GARS1: variants seen among roughly 807,000 people sequenced by gnomAD.
GARS1 encodes the protein glycine--tRNA ligase.
GARS1 carries 46 observed loss-of-function variants against 86.4 expected under a neutral mutation model. The ratio of observed to expected loss-of-function variants is 0.53; its 90% CI spans 0.42 to 0.68. GARS1 has a LOEUF of 0.68. GARS1 is among the 30% of genes least tolerant of loss of function. The pLI is 0.00. For synonymous variants in GARS1, 342 were observed against 329.8 expected (o/e 1.04, Z -0.40); for missense variants, 797 against 915.6 (o/e 0.87, Z 1.67).
Position 30,621,343 on chromosome 7 carries a change from AT to A in GARS1, c.1360-49del, listed in dbSNP as rs1783001652. The A allele has an allele frequency of 2.1e-6, 3 of 1,449,492 alleles. No individual in the cohort carries two copies. In the South Asian group the frequency reaches 3.4e-5, roughly 17 times the overall value. 89.8% of individuals were successfully genotyped at this position (1,449,492 alleles called of 1,614,324 possible). A position where few individuals can be genotyped will look rare whatever the true frequency, so the allele number is the denominator to read the frequency against. ...CTGCATGCATTTGTGAATGAACCCA[AT>A]ATAAGTAATAATAAGTAAGTAATGT... On this transcript the variant is annotated intron_variant, in intron 10 of 16. Transcript: ENST00000389266.
At chr7:30,616,141 C>T in intron 9 of GARS1, 83 bp downstream of exon 9, 1 of 1,456,976 alleles carries the variant, frequency 6.9e-7, no homozygotes, top group Non-Finnish European at 9.6e-7. Context: ...TTCTGGGTGA[C>T]AAGATATTTT....
At chr7:30,595,912 T>C in intron 1 of GARS1, 1 of 471,126 alleles carries the variant, frequency 2.1e-6, no homozygotes, top group East Asian at 6.9e-5. Flanking sequence ...ATGGAATATT[T>C]TGACATTTGA....
rs985496696 is a variant in GARS1, at chr7:30,594,966, T to G, written c.45T>G (p.Ala15=). The G allele has an allele frequency of 5.5e-5, 87 of 1,593,430 alleles. No homozygotes were observed. In the East Asian group the frequency reaches 1.9e-3, roughly 36 times the overall value. The change falls in exon 1 of 17, where the codon GCT becomes GCG. Residue 15 remains alanine (A), a synonymous_variant. Transcript: ENST00000389266. The stretch of plus-strand genomic sequence containing the variant: ...TGCTGCTTAGAGGTGCTCGCGCCGC[T>G]CTGCTGCTGCTGCTGCCGCCCCGGC... ...RPVLLRGARA[A]LLLLLPPRLL...
intron 6 of GARS1, among the ~76,000 whole-genome samples, chr7:30,605,691 T>G (rs1030866633): frequency 6.6e-6 from 1 of 152,232 alleles, no homozygotes; most frequent in African/African-American, 2.4e-5. Flanking sequence ...CTGAATTTTT[T>G]TGAAGCAGAT....
Position 30,631,472 on chromosome 7 carries a change from G to C in GARS1, c.1834G>C (p.Ala612Pro). ...GTTCTTCAGTTTCCCTGCTGTAGTTGCTCCATTCAAATGTTCCGTCCTCCC... is the reference window on the plus strand; with the variant it reads ...GTTCTTCAGTTTCCCTGCTGTAGTTCCTCCATTCAAATGTTCCGTCCTCCC... ...RTFFSFPAVVAPFKCSVLPLS... is the reference protein window; with the variant it reads ...RTFFSFPAVVPPFKCSVLPLS... The change falls in exon 15 of 17, where the codon GCT becomes CCT. Residue 612 changes from alanine to proline, a missense_variant. By Grantham distance (27) the Ala-to-Pro change is conservative. Transcript: ENST00000389266. 6.2e-7 allele frequency: 1 copy of C among 1,613,338 alleles called. No individual in the cohort carries two copies. The highest frequency in any genetic ancestry group is 8.5e-7 in the Non-Finnish European group (1 of 1,179,540).
At position 30,613,858 on chromosome 7, in the gene GARS1, C is replaced by A. The variant is rs186823110; in HGVS notation, c.1031+1613C>A. ...TTAGTGTTCTGATTCTTCTTGATGG[C>A]AGAGTTCTCTGGTGATTAATCTTTG... On this transcript the variant is annotated intron_variant, in intron 8 of 16. Coordinates refer to ENST00000389266, the MANE Select transcript of GARS1 (RefSeq NM_002047.4). Among the ~76,000 whole-genome samples the A allele has an allele frequency of 6.6e-5, 10 of 152,284 alleles. No individual in the cohort carries two copies. The East Asian group carries it at 1.9e-3, about 29-fold the overall frequency.
At chr7:30,617,364 C>A in intron 10 of GARS1, 86 bp downstream of exon 10, 1 of 1,422,362 alleles carries the variant, frequency 7.0e-7, no homozygotes, top group East Asian at 2.4e-5. Flanking sequence ...CACTTTATGT[C>A]ACAGAGGAAC....
chr7:30,620,790 G>A (rs370926095), intron 10 of GARS1, among the ~76,000 whole-genome samples: 1 of 152,150 alleles, frequency 6.6e-6, no homozygotes, highest in African/African-American at 2.4e-5. Context: ...GCCAGCTGAA[G>A]TATGTGTTTA....
At chr7:30,599,921 C>A in intron 2 of GARS1, 26 bp from the exon 3 acceptor site, 2 of 1,427,696 alleles carry the variant, frequency 1.4e-6, no homozygotes, top group Non-Finnish European at 2.0e-6. Flanking sequence ...CCTCCACTCA[C>A]TCACTTTTTA....
At chr7:30,630,517 C>CTTTTTTTTTTTT (rs758530758) in intron 14 of GARS1, among the ~76,000 whole-genome samples, 1 of 131,020 alleles carries the variant, frequency 7.6e-6, no homozygotes, top group Non-Finnish European at 1.6e-5. Context: ...TTATTTTCGC[C>CTTTTTTTTTTTT]TTTTTTTTTT....
chr7:30,624,144 GTTAGTGTATT>G (rs976408987), intron 12 of GARS1, among the ~76,000 whole-genome samples: 2 of 152,000 alleles, frequency 1.3e-5, no homozygotes, highest in African/African-American at 4.8e-5. Context: ...TGTGGTTAGT[GTTAGTGTATT>G]TTATGTGCAG....
chr7:30,631,527 T>A lies in GARS1; in HGVS notation c.1889T>A (p.Phe630Tyr). 6.2e-7 allele frequency: 1 copy of A among 1,612,380 alleles called. No individual in the cohort carries two copies. Among genetic ancestry groups the A allele is most frequent in the Non-Finnish European group, 8.5e-7 (1 of 1,178,528 alleles). The change falls in exon 15 of 17, where the codon TTT becomes TAT. Residue 630 changes from phenylalanine (F) to tyrosine (Y), a missense_variant. Physicochemically the swap from Phe to Tyr is conservative, Grantham distance 22 (BLOSUM62 3). Around this residue, in one of 2 missense-constraint regions of GARS1, gnomAD observed 598 missense variants for 738.7 expected, o/e 0.81. Coordinates refer to ENST00000389266, the MANE Select transcript of GARS1 (RefSeq NM_002047.4). ...PLSQNQEFMP[F>Y]VKELSEALTR... Reference sequence around the variant, plus strand: ...AGCCAAAACCAGGAGTTCATGCCATTTGTCAAGGAATTATGTAAGCAAATT... The same window carrying A: ...AGCCAAAACCAGGAGTTCATGCCATATGTCAAGGAATTATGTAAGCAAATT...
intron 6 of GARS1, among the ~76,000 whole-genome samples, chr7:30,604,323 A>G (rs1411458984): frequency 6.6e-6 from 1 of 152,134 alleles, no homozygotes; most frequent in African/African-American, 2.4e-5. Context: ...CTCCAACACC[A>G]TGTTTAGTCA....
At chr7:30,622,857 T>G (rs1783045124) in intron 12 of GARS1, among the ~76,000 whole-genome samples, 1 of 151,848 alleles carries the variant, frequency 6.6e-6, no homozygotes. Flanking sequence ...TCCCAGCACT[T>G]TGGGAGGCTG....
intron 8 of GARS1, among the ~76,000 whole-genome samples, chr7:30,614,744 C>T (rs1357926292): frequency 6.6e-6 from 1 of 151,704 alleles, no homozygotes; most frequent in African/African-American, 2.4e-5. Flanking sequence ...GGCGTGGTGG[C>T]GGGCGCCTGT....
At chr7:30,609,753 C>T in intron 7 of GARS1, 23 bp downstream of exon 7, 2 of 1,610,896 alleles carry the variant, frequency 1.2e-6, no homozygotes, top group Non-Finnish European at 1.7e-6. Flanking sequence ...TATTGTTTAC[C>T]TGTTTATGTA....
intron 8 of GARS1, among the ~76,000 whole-genome samples, chr7:30,612,722 C>T (rs1005128533): frequency 6.6e-5 from 10 of 152,032 alleles, no homozygotes; most frequent in African/African-American, 2.2e-4. Flanking sequence ...CTGGAAACAA[C>T]CTCCGTCCAG....
At position 30,628,570 on chromosome 7, in the gene GARS1, T is replaced by G; in HGVS notation, c.1710T>G (p.Val570=). Reference sequence around the variant, plus strand: ...CTATCTCTTTTTCAGTGGAAGAAGTTGTTCCGAATGTAATTGAACCTTCCT... The same window carrying G: ...CTATCTCTTTTTCAGTGGAAGAAGTGGTTCCGAATGTAATTGAACCTTCCT... The part of the protein sequence containing the change: ...RFQKTLYVEE[V]VPNVIEPSFG... The change falls in exon 14 of 17, where the codon GTT becomes GTG. Residue 570 remains valine (V), a synonymous_variant. Coordinates refer to ENST00000389266, the MANE Select transcript of GARS1 (RefSeq NM_002047.4). The G allele has an allele frequency of 6.2e-7, 1 of 1,609,010 alleles. No individual in the cohort carries two copies. Among genetic ancestry groups the G allele is most frequent in the African/African-American group, 1.3e-5 (1 of 74,948 alleles).
rs763366704 is a variant in GARS1, at chr7:30,599,942, A to G, written c.325-5A>G. On this transcript the variant is annotated splice_polypyrimidine_tract_variant and splice_region_variant and intron_variant, in intron 2 of 16. Coordinates refer to ENST00000389266, the MANE Select transcript of GARS1 (RefSeq NM_002047.4). Reference sequence around the variant, plus strand: ...CTCACTCACTTTTTATTTAATCTCTAACAGGAGCTGGCGTTACAGCCCAAA... The same window carrying G: ...CTCACTCACTTTTTATTTAATCTCTGACAGGAGCTGGCGTTACAGCCCAAA... The G allele has an allele frequency of 6.8e-6, 11 of 1,606,102 alleles. No homozygotes were observed. The highest frequency in any genetic ancestry group is 8.5e-6 in the Non-Finnish European group (10 of 1,173,186).
Sources: allele counts gnomAD v4.1 joint callset (sites outside exome capture counted in the v4.1 genomes callset), GRCh38; gene constraint gnomAD v4.1.1; regional missense constraint gnomAD v4.1.1; transcripts MANE v1.5; gene names NCBI Gene and HGNC (gene_info 2026-07-23, HGNC 2026-07-21).